The following SLC39A11 variants were observed in gnomAD, a reference collection of about 807,000 sequenced individuals.
SLC39A11 encodes the protein zinc transporter ZIP11.
A neutral mutation model predicts 36.1 loss-of-function variants in SLC39A11; 33 were observed. That is an observed-to-expected ratio of 0.91 (90% CI 0.69 to 1.22). The LOEUF is 1.22. Among genes scored for constraint, SLC39A11 ranks in the 50% most tolerant of loss-of-function variants. The pLI is 0.00. For synonymous variants in SLC39A11, 166 were observed against 170.3 expected, an observed-to-expected ratio of 0.97 and a Z score of 0.20; for missense variants, 432 against 430.3, an observed-to-expected ratio of 1.00 and a Z score of -0.03.
chr17:72,661,886 G>C (rs1246740247), intron 7 of SLC39A11, among the ~76,000 whole-genome samples: 2 of 152,178 alleles, frequency 1.3e-5, no homozygotes, highest in South Asian at 4.1e-4. Flanking sequence ...TGGTGGCTGA[G>C]GGTGATTCAG....
At chr17:72,881,134 A>G (rs1438329049) in intron 5 of SLC39A11, among the ~76,000 whole-genome samples, 1 of 152,094 alleles carries the variant, frequency 6.6e-6, no homozygotes, top group East Asian at 1.9e-4. Context: ...TACACCTACC[A>G]TACGGTCCAT....
chr17:73,020,680 C>CTTTTTTTTTTTTTTT (rs71154945), intron 4 of SLC39A11, among the ~76,000 whole-genome samples: 2 of 98,890 alleles, frequency 2.0e-5, no homozygotes, highest in African/African-American at 4.0e-5. Context: ...TTGTTTCTTT[C>CTTTTTTTTTTTTTTT]TTTTTTTTTT....
intron 4 of SLC39A11, among the ~76,000 whole-genome samples, chr17:73,004,942 T>C (rs1203766152): frequency 6.6e-6 from 1 of 152,214 alleles, no homozygotes; most frequent in African/African-American, 2.4e-5. Context: ...TCACAGCACA[T>C]AAGCACACCG....
At chr17:72,973,410 G>C (rs1308968935) in intron 4 of SLC39A11, among the ~76,000 whole-genome samples, 1 of 152,038 alleles carries the variant, frequency 6.6e-6, no homozygotes, top group African/African-American at 2.4e-5. Context: ...GCAAGTAGAA[G>C]ATGAGAAGGG....
At chr17:73,000,403 A>G (rs1478864553) in intron 4 of SLC39A11, among the ~76,000 whole-genome samples, 1 of 151,884 alleles carries the variant, frequency 6.6e-6, no homozygotes, top group East Asian at 1.9e-4. Flanking sequence ...GCTGGCTGAC[A>G]CAAAAGTGGC....
chr17:73,083,505 T>G (rs1334278321), intron 3 of SLC39A11, among the ~76,000 whole-genome samples: 2 of 152,150 alleles, frequency 1.3e-5, no homozygotes, highest in Non-Finnish European at 2.9e-5. Context: ...ATTACACGCC[T>G]TTTGATATGG....
chr17:72,722,643 T>C (rs2073740118), intron 7 of SLC39A11, among the ~76,000 whole-genome samples: 1 of 152,062 alleles, frequency 6.6e-6, no homozygotes. Flanking sequence ...CACTTTTTTT[T>C]TTCTTTTTTG....
intron 7 of SLC39A11, among the ~76,000 whole-genome samples, chr17:72,728,892 C>G (rs900512630): frequency 6.6e-6 from 1 of 152,112 alleles, no homozygotes; most frequent in Non-Finnish European, 1.5e-5. Flanking sequence ...CCCTTCCACG[C>G]GACAACAAAA....
intron 4 of SLC39A11, among the ~76,000 whole-genome samples, chr17:72,951,956 G>A (rs75339210): frequency 2.6e-5 from 4 of 151,970 alleles, no homozygotes; most frequent in South Asian, 4.2e-4. Context: ...CGGCGTTTTC[G>A]GGGCAGGGAG....
intron 6 of SLC39A11, among the ~76,000 whole-genome samples, chr17:72,777,698 C>A (rs2076180207): frequency 6.6e-6 from 1 of 152,116 alleles, no homozygotes; most frequent in South Asian, 2.1e-4. Context: ...TGACTTCAGG[C>A]TTCTAGATTA....
intron 4 of SLC39A11, among the ~76,000 whole-genome samples, chr17:73,003,966 A>G (rs551360058): frequency 6.6e-5 from 10 of 151,940 alleles, no homozygotes; most frequent in South Asian, 2.1e-4. Flanking sequence ...CATGCCTGTA[A>G]TCCCAGCTAC....
intron 4 of SLC39A11, among the ~76,000 whole-genome samples, chr17:73,003,342 A>C (rs2089928646): frequency 6.6e-6 from 1 of 152,224 alleles, no homozygotes; most frequent in Non-Finnish European, 1.5e-5. Flanking sequence ...AATGCTGCAA[A>C]GTACTCATAT....
chr17:72,899,754 G>C (rs184740150), intron 5 of SLC39A11, among the ~76,000 whole-genome samples: 29 of 152,266 alleles, frequency 1.9e-4, no homozygotes, highest in Non-Finnish European at 2.8e-4. Flanking sequence ...TTGAGGTCAC[G>C]AGTTTGAGGA....
intron 7 of SLC39A11, among the ~76,000 whole-genome samples, chr17:72,665,389 GT>G (rs780329919): frequency 0.018 from 1,344 of 76,612 alleles, 21 homozygotes; most frequent in African/African-American, 0.046. Flanking sequence ...GTTTTGAGGT[GT>G]TTTTTTTTTT....
chr17:72,874,717 C>A (rs899734625), intron 5 of SLC39A11, among the ~76,000 whole-genome samples: 6 of 152,178 alleles, frequency 3.9e-5, no homozygotes, highest in Non-Finnish European at 7.3e-5. Flanking sequence ...GCAGAAGTAT[C>A]CTTGATGGAG....
intron 5 of SLC39A11, among the ~76,000 whole-genome samples, chr17:72,865,568 G>A (rs1296753130): frequency 1.3e-5 from 2 of 151,534 alleles, no homozygotes; most frequent in East Asian, 3.9e-4. Context: ...AGAAACAAAT[G>A]CAAACCTACT....
chr17:72,782,346 T>C (rs2076346324), intron 6 of SLC39A11, among the ~76,000 whole-genome samples: 1 of 152,144 alleles, frequency 6.6e-6, no homozygotes, highest in Non-Finnish European at 1.5e-5. Flanking sequence ...CCGGGGTCTT[T>C]CACCTCCAGA....
intron 7 of SLC39A11, among the ~76,000 whole-genome samples, chr17:72,684,026 T>C (rs2071628112): frequency 6.6e-6 from 1 of 152,110 alleles, no homozygotes; most frequent in African/African-American, 2.4e-5. Context: ...CTTAGAAGAT[T>C]TTGCAATCAA....
intron 3 of SLC39A11, among the ~76,000 whole-genome samples, chr17:73,038,996 A>G (rs1377280323): frequency 6.6e-6 from 1 of 152,148 alleles, no homozygotes; most frequent in Non-Finnish European, 1.5e-5. Flanking sequence ...CTCTTTGCCC[A>G]AGTCCATATT....
Sources: gnomAD v4.1 joint callset for allele counts (sites outside exome capture counted in the v4.1 genomes callset) on GRCh38, gnomAD v4.1.1 for gene constraint, MANE v1.5 for transcripts, NCBI Gene and HGNC (gene_info 2026-07-23, HGNC 2026-07-21) for gene names.